Variants in PPP1R16B observed in about 807,000 individuals in gnomAD.
PPP1R16B encodes the protein protein phosphatase 1 regulatory subunit 16B.
A neutral mutation model predicts 61.7 loss-of-function variants in PPP1R16B; 14 were observed. That is an observed-to-expected ratio of 0.23 (90% CI 0.15 to 0.35). The LOEUF (loss-of-function observed/expected upper bound fraction) is 0.35. Ranked by LOEUF, PPP1R16B falls within the 10% of genes least tolerant of loss-of-function variation. The pLI is 1.00. For missense variants in PPP1R16B, 547 were observed against 752.5 expected (o/e 0.73, Z 3.19); for synonymous variants, 266 against 305.3 (o/e 0.87, Z 1.34).
At chr20:38,916,178 C>T (rs1418450355) in intron 10 of PPP1R16B, among the ~76,000 whole-genome samples, 1 of 151,178 alleles carries the variant, frequency 6.6e-6, no homozygotes, top group Non-Finnish European at 1.5e-5. Context: ...CCAGCCTGTG[C>T]AACATAGTGA....
intron 6 of PPP1R16B, among the ~76,000 whole-genome samples, chr20:38,904,093 ATC>A (rs141353220): frequency 0.15 from 22,986 of 152,138 alleles, 1,932 homozygotes; most frequent in East Asian, 0.31. Context: ...GAGCTCTCAC[ATC>A]TGTTTTATGC....
At chr20:38,818,866 C>T (rs142954180) in intron 1 of PPP1R16B, among the ~76,000 whole-genome samples, 30 of 151,990 alleles carry the variant, frequency 2.0e-4, no homozygotes, top group African/African-American at 6.8e-4. Context: ...GCAGCCTCAA[C>T]CTCCTGGGCT....
intron 2 of PPP1R16B, among the ~76,000 whole-genome samples, chr20:38,861,188 TCAA>T (rs2085047732): frequency 6.6e-6 from 1 of 152,178 alleles, no homozygotes; most frequent in Admixed American, 6.5e-5. Context: ...GGAAAGTCAC[TCAA>T]CCTCTCTGAG....
chr20:38,860,819 A>G (rs2145736808), intron 2 of PPP1R16B, among the ~76,000 whole-genome samples: 1 of 152,266 alleles, frequency 6.6e-6, no homozygotes. Flanking sequence ...GGTGGAAGAA[A>G]TTTTGCTTTA....
intron 6 of PPP1R16B, among the ~76,000 whole-genome samples, chr20:38,905,014 G>T (rs1445155020): frequency 6.6e-6 from 1 of 152,192 alleles, no homozygotes; most frequent in East Asian, 1.9e-4. Flanking sequence ...GGGGCAAATT[G>T]AACAATCATG....
Position 38,806,100 on chromosome 20 carries a change from T to TG in PPP1R16B, c.-102+312dup, listed in dbSNP as rs1286328025. On this transcript the variant is annotated intron_variant, in intron 1 of 10. Coordinates refer to ENST00000299824, the MANE Select transcript of PPP1R16B (RefSeq NM_015568.4). This position sits in a 1 kb window ranked among gnomAD's most constrained non-coding sequence, Gnocchi z 4.5. ...GGCTGCGGCCGTCGTAGACCGATCT[T>TG]GGGGCGGGGAGGTGGGGTCCTCGGT... Among the ~76,000 whole-genome samples the TG allele has an allele frequency of 1.3e-5, 2 of 151,034 alleles. No individual in the cohort carries two copies. The highest frequency in any genetic ancestry group is 3.0e-5 in the Non-Finnish European group (2 of 67,756).
Position 38,806,672 on chromosome 20 carries a change from G to A in PPP1R16B, c.-102+880G>A, listed in dbSNP as rs186563269. Among the ~76,000 whole-genome samples, 1 of 152,168 alleles carries A rather than the reference G, an allele frequency of 6.6e-6. No individual in the cohort carries two copies. Among genetic ancestry groups the A allele is most frequent in the Non-Finnish European group, 1.5e-5 (1 of 67,996 alleles). The stretch of plus-strand genomic sequence containing the variant: ...GTGGAGAGCCGGGAGGCAGGCGCTC[G>A]CTGCCCTCCTCCTTCCCCCATGTAG... On this transcript the variant is annotated intron_variant, in intron 1 of 10. Transcript: ENST00000299824. This position sits in a 1 kb window ranked among gnomAD's most constrained non-coding sequence, Gnocchi z 4.5.
At chr20:38,878,956 T>C (rs2085186646) in intron 2 of PPP1R16B, among the ~76,000 whole-genome samples, 1 of 152,106 alleles carries the variant, frequency 6.6e-6, no homozygotes, top group South Asian at 2.1e-4. Context: ...TCAGGGCATC[T>C]GGGGAGAGGG....
chr20:38,883,266 C>T (rs1169808532), intron 2 of PPP1R16B, among the ~76,000 whole-genome samples: 2 of 152,242 alleles, frequency 1.3e-5, no homozygotes, highest in South Asian at 2.1e-4. Flanking sequence ...GCAGGAGCCA[C>T]GCCTATGGTC....
In PPP1R16B at chr20:38,842,745, T is replaced by G. The variant is rs117251361; in HGVS notation, c.250+6570T>G. On this transcript the variant is annotated intron_variant, in intron 2 of 10. Coordinates refer to ENST00000299824, the MANE Select transcript of PPP1R16B (RefSeq NM_015568.4). ...CACCTGGGCCTTGCCACCACCATCT[T>G]AAACCAGCAGCTCATCTACAGGAAC... Among the ~76,000 whole-genome samples the G allele has an allele frequency of 1.6e-4, 25 of 152,140 alleles. No homozygotes were observed. The East Asian group carries it at 4.8e-3, about 29-fold the overall frequency.
At chr20:38,897,348 A>C (rs1350135700) in intron 4 of PPP1R16B, among the ~76,000 whole-genome samples, 2 of 152,202 alleles carry the variant, frequency 1.3e-5, no homozygotes, top group African/African-American at 4.8e-5. Flanking sequence ...AAGTGGATTC[A>C]TACAGTATTT....
chr20:38,852,565 C>CA (rs1024103494), intron 2 of PPP1R16B, among the ~76,000 whole-genome samples: 17 of 152,232 alleles, frequency 1.1e-4, no homozygotes, highest in African/African-American at 4.1e-4. Flanking sequence ...ACCACAATGA[C>CA]ACTCAACCAG....
At chr20:38,809,924 T>G (rs1240093097) in intron 1 of PPP1R16B, among the ~76,000 whole-genome samples, 1 of 136,808 alleles carries the variant, frequency 7.3e-6, no homozygotes, top group African/African-American at 2.8e-5. Context: ...GAGGCTCCTG[T>G]GAGCCATGAT....
chr20:38,824,715 CTA>C (rs1278174053), intron 1 of PPP1R16B, among the ~76,000 whole-genome samples: 1 of 152,252 alleles, frequency 6.6e-6, no homozygotes, highest in African/African-American at 2.4e-5. Context: ...AGTGAACAAA[CTA>C]TATGAAAAGT....
Position 38,919,964 on chromosome 20 carries a change from G to A in PPP1R16B, c.*1298G>A, listed in dbSNP as rs890221891. On this transcript the variant is annotated 3_prime_UTR_variant, in exon 11 of 11. Coordinates refer to ENST00000299824, the MANE Select transcript of PPP1R16B (RefSeq NM_015568.4). ...CAGATTTGCCAGTCAGCCCTTTTGA[G>A]TTCCCGCCTCACCCAGGGGCTCCCA... The A allele has an allele frequency of 6.6e-6, 1 of 152,412 alleles. No homozygotes were observed. The highest frequency in any genetic ancestry group is 2.4e-5 in the African/African-American group (1 of 41,466). The allele number at this position is 152,412 out of a possible 1,614,324, so 9.4% of individuals were successfully genotyped here. A position where few individuals can be genotyped will look rare whatever the true frequency, so the allele number is the denominator to read the frequency against.
intron 2 of PPP1R16B, among the ~76,000 whole-genome samples, chr20:38,866,051 G>A (rs570051674): frequency 6.6e-6 from 1 of 152,172 alleles, no homozygotes; most frequent in Non-Finnish European, 1.5e-5. Context: ...TTGAACCCTG[G>A]AAGGAGAGGT....
intron 2 of PPP1R16B, among the ~76,000 whole-genome samples, chr20:38,878,829 C>T (rs2085185885): frequency 6.6e-6 from 1 of 152,192 alleles, no homozygotes; most frequent in Admixed American, 6.5e-5. Flanking sequence ...TTATCTATTA[C>T]TTGCCTGGAG....
chr20:38,906,578 C>G (rs1013561486), intron 7 of PPP1R16B, among the ~76,000 whole-genome samples: 1 of 152,110 alleles, frequency 6.6e-6, no homozygotes, highest in African/African-American at 2.4e-5. Context: ...GCCACCATGC[C>G]TGGCTGACAA....
chr20:38,841,248 T>C (rs569236942), intron 2 of PPP1R16B, among the ~76,000 whole-genome samples: 1 of 151,846 alleles, frequency 6.6e-6, no homozygotes, highest in South Asian at 2.1e-4. Flanking sequence ...TTGCCATCGC[T>C]GAGTGGTGTG....
Sources: gnomAD v4.1 joint callset for allele counts (sites outside exome capture counted in the v4.1 genomes callset) on GRCh38, gnomAD v4.1.1 for gene constraint, Gnocchi (gnomAD v3.1) non-coding constraint, MANE v1.5 for transcripts, NCBI Gene and HGNC (gene_info 2026-07-23, HGNC 2026-07-21) for gene names.